Variants in IGSF10 observed in about 807,000 individuals in gnomAD.
IGSF10 encodes immunoglobulin superfamily member 10.
Under a neutral mutation model 128.2 loss-of-function variants are expected in IGSF10, and 126 were observed. The observed-to-expected ratio is 0.98, with a 90% CI of 0.85 to 1.14. IGSF10 has a LOEUF of 1.14. Among genes scored for constraint, IGSF10 ranks in the 50% most tolerant of loss-of-function variants. IGSF10 has a pLI of 0.00. For synonymous variants in IGSF10, 1,185 were observed against 1,146.2 expected (o/e 1.03, Z -0.68); for missense variants, 3,295 against 3,149.8 (o/e 1.05, Z -1.10).
the IGSF10 span, among the ~76,000 whole-genome samples, chr3:151,545,137 T>G: frequency 6.6e-6 from 1 of 152,218 alleles, no homozygotes; most frequent in African/African-American, 2.4e-5. Flanking sequence ...TTACATAATT[T>G]TGAAAGTTTT....
chr3:151,616,221 C>G, the IGSF10 span, among the ~76,000 whole-genome samples: 23 of 152,196 alleles, frequency 1.5e-4, no homozygotes, highest in Non-Finnish European at 2.8e-4. Context: ...CCCGCCTCAG[C>G]CTCCCAAAGG....
chr3:151,547,425 T>C, the IGSF10 span, among the ~76,000 whole-genome samples: 7 of 85,038 alleles, frequency 8.2e-5, no homozygotes, highest in African/African-American at 1.5e-4. Context: ...TATAAATATA[T>C]ATATACACAC....
the IGSF10 span, among the ~76,000 whole-genome samples, chr3:151,566,957 T>C: frequency 6.6e-6 from 1 of 152,234 alleles, no homozygotes; most frequent in African/African-American, 2.4e-5. Flanking sequence ...TCTAATGTCA[T>C]AGCCTTTTCC....
chr3:151,471,373 C>T, the IGSF10 span, among the ~76,000 whole-genome samples: 17 of 152,152 alleles, frequency 1.1e-4, no homozygotes, highest in African/African-American at 4.1e-4. Context: ...TTCTAAGACA[C>T]TCCACTGGAT....
the IGSF10 span, among the ~76,000 whole-genome samples, chr3:151,502,025 A>G: frequency 6.6e-6 from 1 of 152,020 alleles, no homozygotes; most frequent in Admixed American, 6.6e-5. Flanking sequence ...ATAGTGAGAA[A>G]TTACTTAATA....
At chr3:151,613,668 A>G in the IGSF10 span, among the ~76,000 whole-genome samples, 21 of 152,238 alleles carry the variant, frequency 1.4e-4, no homozygotes, top group Non-Finnish European at 2.6e-4. Context: ...TTATACAAAA[A>G]TTAATTCAAG....
At chr3:151,548,312 C>T in the IGSF10 span, among the ~76,000 whole-genome samples, 22 of 152,144 alleles carry the variant, frequency 1.4e-4, no homozygotes, top group African/African-American at 5.3e-4. Context: ...AAGCTGACAG[C>T]CAGCATCAAA....
At position 151,436,517 on chromosome 3, in the gene IGSF10, G is replaced by C; in HGVS notation, c.*172C>G. 1 of 520,126 alleles carries C rather than the reference G, an allele frequency of 1.9e-6. No homozygotes were observed. The allele number at this position is 520,126 out of a possible 1,614,324, so 32.2% of individuals were successfully genotyped here. On this transcript the variant is annotated 3_prime_UTR_variant, in exon 8 of 8. Coordinates refer to ENST00000282466, the MANE Select transcript of IGSF10 (RefSeq NM_178822.5). ...GTTTTGAGATCCATTAAATAAATCAGTATCATCAGTTCATAATGCATTTAT... is the reference window on the plus strand; with the variant it reads ...GTTTTGAGATCCATTAAATAAATCACTATCATCAGTTCATAATGCATTTAT...
the IGSF10 span, among the ~76,000 whole-genome samples, chr3:151,582,183 G>A: frequency 6.6e-6 from 1 of 151,070 alleles, no homozygotes; most frequent in South Asian, 2.1e-4. Context: ...TTAAAGAATT[G>A]AACCGGTTTT....
Position 151,438,025 on chromosome 3 carries a change from G to C in IGSF10, c.6536C>G (p.Ser2179Cys). ...PKPKIFWLLP[S>C]NDMISFSIDR... ...AATGGAGAAGGAAATCATGTCATTG[G>C]AAGGCAGCAACCAAAATATTTTTGG... Residue 2179 changes from serine to cysteine, a missense_variant, in exon 8 of 8, where the codon TCC (serine) becomes TGC (cysteine). By Grantham distance (112) the Ser-to-Cys change is moderately radical. Transcript: ENST00000282466. 2 of 1,614,212 alleles carry C rather than the reference G, an allele frequency of 1.2e-6. No individual in the cohort carries two copies. Among genetic ancestry groups the C allele is most frequent in the Non-Finnish European group, 1.7e-6 (2 of 1,180,030 alleles).
At chr3:151,560,418 C>T in the IGSF10 span, among the ~76,000 whole-genome samples, 1 of 152,138 alleles carries the variant, frequency 6.6e-6, no homozygotes, top group Non-Finnish European at 1.5e-5. Flanking sequence ...TCTGTTCCTT[C>T]TTACAGTCTC....
At chr3:151,461,613 A>C, upstream of IGSF10, 1 of 173,664 alleles carries the variant, frequency 5.8e-6, no homozygotes, top group Non-Finnish European at 1.1e-5. Flanking sequence ...AGCAGCTAAA[A>C]TCTACTCTTT....
chr3:151,457,221 C>G, intron 3 of IGSF10, 66 bp from the exon 4 acceptor site: 5 of 1,463,996 alleles, frequency 3.4e-6, no homozygotes, highest in Non-Finnish European at 4.7e-6. Flanking sequence ...ATGTCATAAC[C>G]AAAATAAACA....
chr3:151,503,343 G>C, the IGSF10 span, among the ~76,000 whole-genome samples: 1 of 151,868 alleles, frequency 6.6e-6, no homozygotes, highest in East Asian at 1.9e-4. Flanking sequence ...CAGACAATAA[G>C]TTAACTGCAA....
the IGSF10 span, among the ~76,000 whole-genome samples, chr3:151,605,063 T>A: frequency 6.6e-6 from 1 of 152,224 alleles, no homozygotes; most frequent in Non-Finnish European, 1.5e-5. Flanking sequence ...CTGCACTTAG[T>A]AATACTAGAC....
chr3:151,564,951 A>T, the IGSF10 span, among the ~76,000 whole-genome samples: 1 of 152,176 alleles, frequency 6.6e-6, no homozygotes, highest in East Asian at 1.9e-4. Context: ...AGTCCCTTTA[A>T]CTCTTGTAAC....
the IGSF10 span, among the ~76,000 whole-genome samples, chr3:151,534,880 C>A: frequency 5.3e-4 from 80 of 151,546 alleles, no homozygotes; most frequent in African/African-American, 1.8e-3. Context: ...TACAGAATCA[C>A]CTTCACTGGA....
At chr3:151,601,187 C>A in the IGSF10 span, among the ~76,000 whole-genome samples, 1 of 152,024 alleles carries the variant, frequency 6.6e-6, no homozygotes, top group South Asian at 2.1e-4. Context: ...ACACATCTTC[C>A]CTATTGAATA....
At chr3:151,539,765 CATCTATCTATCTATCT>C in the IGSF10 span, among the ~76,000 whole-genome samples, 1,872 of 146,588 alleles carry the variant, frequency 0.013, 29 homozygotes, top group African/African-American at 0.041. Context: ...ATTTCAACAG[CATCTATCTATCTATCT>C]ATCTATCTAT....
Sources: allele counts gnomAD v4.1 joint callset (sites outside exome capture counted in the v4.1 genomes callset), GRCh38; gene constraint gnomAD v4.1.1; transcripts MANE v1.5; gene names NCBI Gene and HGNC (gene_info 2026-07-23, HGNC 2026-07-21).